NUP62CL: variants seen among roughly 807,000 people sequenced by gnomAD.
NUP62CL encodes nucleoporin 62 C-terminal like, also known as nucleoporin-62 C-terminal-like protein.
In NUP62CL, 13 loss-of-function variants were observed where a neutral mutation model predicts 15.3. The ratio of observed to expected loss-of-function variants is 0.85; its 90% CI spans 0.55 to 1.35. The LOEUF is 1.35. Ranked by LOEUF, NUP62CL falls within the 40% of genes most tolerant of loss-of-function variation. The pLI is 0.00. For missense variants in NUP62CL, 123 were observed against 130.6 expected, an observed-to-expected ratio of 0.94 and a Z score of 0.28; for synonymous variants, 54 against 49.2, an observed-to-expected ratio of 1.10 and a Z score of -0.41.
intron 3 of NUP62CL, among the ~76,000 whole-genome samples, chrX:107,169,471 C>G (rs1270969008): frequency 1.8e-5 from 2 of 112,164 alleles, no homozygotes; most frequent in Admixed American, 9.4e-5. Context: ...CCACAAGACT[C>G]CATTTCCTTT....
chrX:107,167,666 A>G lies in NUP62CL; in HGVS notation c.177T>C (p.Pro59=), dbSNP rs1394024466. ...AGGCTTACCTAACAGTTGAAGTATA[A>G]GGTACAAGGTTTTCAAACCCTCTTG... The part of the protein sequence containing the change: ...LLSRGFENLV[P]YTSTVSVVAT... The change falls in exon 4 of 9, where the codon CCT becomes CCC. Residue 59 remains proline, a synonymous_variant. Transcript: ENST00000372466. The G allele has an allele frequency of 1.7e-6, 2 of 1,198,200 alleles. No homozygotes were observed. The highest frequency in any genetic ancestry group is 2.3e-6 in the Non-Finnish European group (2 of 888,122).
At chrX:107,145,014 G>A (rs1166864331) in intron 8 of NUP62CL, among the ~76,000 whole-genome samples, 1 of 111,664 alleles carries the variant, frequency 9.0e-6, no homozygotes, top group Non-Finnish European at 1.9e-5. Flanking sequence ...CAACAATTAA[G>A]TGGTAATGCC....
intron 3 of NUP62CL, among the ~76,000 whole-genome samples, chrX:107,169,263 G>A (rs188037938): frequency 3.8e-3 from 417 of 111,036 alleles, no homozygotes; most frequent in Non-Finnish European, 6.1e-3. Context: ...TTAAGAATAA[G>A]GTACAGCAGG....
chrX:107,156,171 A>T (rs887564336), intron 4 of NUP62CL, among the ~76,000 whole-genome samples: 1 of 111,573 alleles, frequency 9.0e-6, no homozygotes, highest in African/African-American at 3.3e-5. Context: ...GCAGTCTGAG[A>T]TCAAACTGCA....
chrX:107,199,199 A>G (rs1454365872), intron 1 of NUP62CL, among the ~76,000 whole-genome samples: 1 of 111,842 alleles, frequency 8.9e-6, no homozygotes, highest in Non-Finnish European at 1.9e-5. Context: ...CAAACCAAAA[A>G]GGTATTTTGA....
intron 4 of NUP62CL, among the ~76,000 whole-genome samples, chrX:107,161,313 C>A (rs1440393572): frequency 9.8e-6 from 1 of 102,499 alleles, no homozygotes; most frequent in African/African-American, 3.6e-5. Flanking sequence ...AATCACGCTG[C>A]TATAAAGACA....
chrX:107,161,271 C>T (rs372821043), intron 4 of NUP62CL, among the ~76,000 whole-genome samples: 2 of 98,950 alleles, frequency 2.0e-5, no homozygotes, highest in African/African-American at 7.3e-5. Context: ...ACCCAGCCAT[C>T]CCATTACTGG....
chrX:107,149,861 A>C (rs931363764), intron 7 of NUP62CL, among the ~76,000 whole-genome samples: 20 of 111,401 alleles, frequency 1.8e-4, no homozygotes, highest in African/African-American at 6.2e-4. Context: ...GGAGGACTCC[A>C]TTTAGCTGCT....
chrX:107,133,052 C>A (rs1335815274), intron 8 of NUP62CL, among the ~76,000 whole-genome samples: 1 of 111,374 alleles, frequency 9.0e-6, no homozygotes, highest in Non-Finnish European at 1.9e-5. Context: ...TGGCAGAATT[C>A]AGTTCTTTGC....
At chrX:107,137,557 A>G (rs1463311269) in intron 8 of NUP62CL, among the ~76,000 whole-genome samples, 1 of 112,143 alleles carries the variant, frequency 8.9e-6, no homozygotes, top group African/African-American at 3.2e-5. Context: ...AAGATATAAA[A>G]TCAACACACA....
chrX:107,169,926 T>C (rs899289863), intron 3 of NUP62CL, among the ~76,000 whole-genome samples: 4 of 110,719 alleles, frequency 3.6e-5, no homozygotes, highest in African/African-American at 1.3e-4. Context: ...AGATATATAA[T>C]TGGCTAGGCA....
intron 2 of NUP62CL, among the ~76,000 whole-genome samples, chrX:107,177,411 C>T (rs1029845922): frequency 9.9e-5 from 11 of 111,329 alleles, no homozygotes; most frequent in African/African-American, 3.6e-4. Context: ...AACTTGTGAA[C>T]ATATCGCCTT....
intron 8 of NUP62CL, among the ~76,000 whole-genome samples, chrX:107,136,370 A>G (rs1363915430): frequency 8.9e-6 from 1 of 111,928 alleles, no homozygotes; most frequent in African/African-American, 3.3e-5. Context: ...ATCTCAACCA[A>G]GATGAAACAG....
At position 107,153,180 on chromosome X, in the gene NUP62CL, A is replaced by G. The variant is rs772009525; in HGVS notation, c.522T>C (p.His174=). The change falls in exon 7 of 9, where the codon CAT becomes CAC. Residue 174 remains histidine (H), a synonymous_variant. Coordinates refer to ENST00000372466, the MANE Select transcript of NUP62CL (RefSeq NM_017681.3). The part of the protein sequence containing the change: ...LHYLQDADEE[H]VEISTRSAEF ...TTTTTTCAGTTACTTACATCTCCAC[A>G]TGCTCCTCATCTGCATCCTGCAGAT... 9 of 1,199,986 alleles carry G rather than the reference A, an allele frequency of 7.5e-6. No homozygotes were observed. The East Asian group carries it at 2.7e-4, about 36-fold the overall frequency.
At chrX:107,179,345 T>C (rs1371726442) in intron 2 of NUP62CL, among the ~76,000 whole-genome samples, 2 of 111,420 alleles carry the variant, frequency 1.8e-5, no homozygotes, top group Non-Finnish European at 3.8e-5. Context: ...GTTGGGCTTC[T>C]AGTGTACCCA....
chrX:107,152,009 G>A lies in NUP62CL; in HGVS notation c.530+1163C>T, dbSNP rs764516655. Among the ~76,000 whole-genome samples the A allele has an allele frequency of 3.3e-3, 299 of 91,452 alleles. 2 individuals are homozygous for A. The highest frequency in any genetic ancestry group is 4.7e-3 in the Non-Finnish European group (221 of 47,407). 79.4% of individuals were successfully genotyped at this position (91,452 alleles called of 115,157 possible). On this transcript the variant is annotated intron_variant, in intron 7 of 8. Coordinates refer to ENST00000372466, the MANE Select transcript of NUP62CL (RefSeq NM_017681.3). ...CGTGCCACTGCATTCCAGCCTGGGC[G>A]ACAGAGCAAGACTTCATCTTGAATA...
chrX:107,124,628 C>T (rs1415160322), intron 8 of NUP62CL, among the ~76,000 whole-genome samples: 2 of 110,667 alleles, frequency 1.8e-5, no homozygotes, highest in African/African-American at 6.6e-5. Flanking sequence ...TCATTATACC[C>T]TAAAAGTGAC....
At chrX:107,126,978 G>A (rs1186463032) in intron 8 of NUP62CL, among the ~76,000 whole-genome samples, 4 of 110,305 alleles carry the variant, frequency 3.6e-5, no homozygotes, top group Non-Finnish European at 7.6e-5. Context: ...AGGTTGCAGT[G>A]AGCTGAGATT....
At chrX:107,197,206 G>A (rs968535623) in intron 1 of NUP62CL, among the ~76,000 whole-genome samples, 2 of 111,473 alleles carry the variant, frequency 1.8e-5, no homozygotes, top group Non-Finnish European at 1.9e-5. Context: ...TTTCCCAGGC[G>A]TGGAAGTTAC....
Sources: allele counts gnomAD v4.1 joint callset (sites outside exome capture counted in the v4.1 genomes callset), GRCh38; gene constraint gnomAD v4.1.1; transcripts MANE v1.5; gene names NCBI Gene and HGNC (gene_info 2026-07-23, HGNC 2026-07-21).